DDX10: variants seen among roughly 807,000 people sequenced by gnomAD.
DDX10 encodes the protein probable ATP-dependent RNA helicase DDX10.
In DDX10, 74 loss-of-function variants were observed where a neutral mutation model predicts 104.3. The observed-to-expected ratio is 0.71, with a 90% confidence interval of 0.59 to 0.86. The LOEUF (loss-of-function observed/expected upper bound fraction) is 0.86. DDX10 is among the 40% of genes least tolerant of loss of function. The pLI is 0.00. For missense variants in DDX10, 952 were observed against 1,040.0 expected, an observed-to-expected ratio of 0.92 and a Z score of 1.16; for synonymous variants, 351 against 353.4, an observed-to-expected ratio of 0.99 and a Z score of 0.08.
chr11:108,940,192 A>T (rs1280288582), intron 17 of DDX10, 54 bp from the exon 18 acceptor site: 1 of 1,557,092 alleles, frequency 6.4e-7, no homozygotes, highest in Non-Finnish European at 8.7e-7. Context: ...TCCTATTTTA[A>T]ATGTTTGATT....
chr11:108,668,055 A>G (rs1366752350), intron 1 of DDX10, among the ~76,000 whole-genome samples: 1 of 152,212 alleles, frequency 6.6e-6, no homozygotes, highest in Non-Finnish European at 1.5e-5. Flanking sequence ...TTGCTGTAAG[A>G]CTAGACCTTT....
intron 13 of DDX10, among the ~76,000 whole-genome samples, chr11:108,747,190 C>G (rs1019943729): frequency 3.0e-4 from 45 of 152,094 alleles, no homozygotes; most frequent in Non-Finnish European, 6.3e-4. Context: ...ACAGTAAAAA[C>G]AGGGATCACT....
chr11:108,823,442 C>T (rs1231059679), intron 13 of DDX10, among the ~76,000 whole-genome samples: 4 of 152,248 alleles, frequency 2.6e-5, no homozygotes, highest in East Asian at 1.9e-4. Context: ...AGAAAAATGT[C>T]GGATGTAACA....
chr11:108,838,402 A>G, intron 13 of DDX10, 44 bp from the exon 14 acceptor site: 1 of 1,583,416 alleles, frequency 6.3e-7, no homozygotes, highest in Non-Finnish European at 8.6e-7. Flanking sequence ...ATATAAAGCA[A>G]CCATTTTCCT....
At chr11:108,668,281 G>A (rs2094212569) in intron 1 of DDX10, among the ~76,000 whole-genome samples, 1 of 152,216 alleles carries the variant, frequency 6.6e-6, no homozygotes, top group African/African-American at 2.4e-5. Context: ...TGAAAAAGGA[G>A]TTCTAAGCCA....
At chr11:108,754,047 A>G (rs965188785) in intron 13 of DDX10, among the ~76,000 whole-genome samples, 2 of 152,038 alleles carry the variant, frequency 1.3e-5, no homozygotes, top group Non-Finnish European at 2.9e-5. Context: ...ACATCACCTC[A>G]TTCATTAAAG....
chr11:108,728,617 C>T (rs910005036), intron 13 of DDX10, among the ~76,000 whole-genome samples: 5 of 150,348 alleles, frequency 3.3e-5, no homozygotes, highest in African/African-American at 9.9e-5. Flanking sequence ...CAGGCCCAAG[C>T]GATTCTTCTG....
chr11:108,706,603 A>G lies in DDX10; in HGVS notation c.1224-136A>G, dbSNP rs894392765. ...GTGTTCAGAGCCCTAGTTTTCTGTTATCAGAGATTAAAAGCCAGTCTCTGA... is the reference window on the plus strand; with the variant it reads ...GTGTTCAGAGCCCTAGTTTTCTGTTGTCAGAGATTAAAAGCCAGTCTCTGA... On this transcript the variant is annotated intron_variant, in intron 9 of 17. Transcript: ENST00000322536. 6 of 698,256 alleles carry G rather than the reference A, an allele frequency of 8.6e-6. No individual in the cohort carries two copies. The African/African-American group carries it at 8.9e-5, about 10-fold the overall frequency. 43.3% of individuals were successfully genotyped at this position (698,256 alleles called of 1,614,324 possible).
At chr11:108,801,037 C>T (rs960663130) in intron 13 of DDX10, among the ~76,000 whole-genome samples, 4 of 152,190 alleles carry the variant, frequency 2.6e-5, no homozygotes, top group South Asian at 2.1e-4. Flanking sequence ...TACTCAGATA[C>T]AATTGCCTCA....
chr11:108,770,263 T>A (rs114578236), intron 13 of DDX10, among the ~76,000 whole-genome samples: 229 of 152,352 alleles, frequency 1.5e-3, no homozygotes, highest in African/African-American at 5.3e-3. Flanking sequence ...ATCTAGCCCC[T>A]GAAGCATTTA....
intron 16 of DDX10, among the ~76,000 whole-genome samples, chr11:108,906,864 G>A (rs1469921757): frequency 6.6e-6 from 1 of 152,162 alleles, no homozygotes; most frequent in Non-Finnish European, 1.5e-5. Context: ...TTTGTGCAAA[G>A]CAGCCTTAGA....
At chr11:108,773,156 T>A (rs532150117) in intron 13 of DDX10, among the ~76,000 whole-genome samples, 18 of 152,334 alleles carry the variant, frequency 1.2e-4, no homozygotes, top group Admixed American at 6.5e-4. Flanking sequence ...ACATATGATA[T>A]TTGTTGAATT....
intron 17 of DDX10, among the ~76,000 whole-genome samples, chr11:108,937,865 C>T (rs992782263): frequency 1.3e-5 from 2 of 152,168 alleles, no homozygotes; most frequent in Non-Finnish European, 2.9e-5. Context: ...TTATCCATTA[C>T]GTTGCACTGT....
chr11:108,850,681 C>T (rs780195431), intron 15 of DDX10, among the ~76,000 whole-genome samples: 3 of 152,090 alleles, frequency 2.0e-5, no homozygotes, highest in African/African-American at 4.8e-5. Flanking sequence ...GAATTGGCAA[C>T]ATTTGTCTAA....
intron 13 of DDX10, among the ~76,000 whole-genome samples, chr11:108,824,927 T>C (rs1862375805): frequency 6.6e-6 from 1 of 152,182 alleles, no homozygotes; most frequent in Admixed American, 6.5e-5. Flanking sequence ...GGATTTTCCC[T>C]TAACTATTGT....
At chr11:108,898,064 A>C (rs1863464220) in intron 16 of DDX10, among the ~76,000 whole-genome samples, 1 of 152,132 alleles carries the variant, frequency 6.6e-6, no homozygotes, top group Non-Finnish European at 1.5e-5. Context: ...AGAAAGAAAA[A>C]AACTCTTGTT....
intron 17 of DDX10, among the ~76,000 whole-genome samples, chr11:108,930,691 A>G (rs1158577757): frequency 4.6e-5 from 7 of 152,234 alleles, no homozygotes; most frequent in Admixed American, 6.5e-5. Flanking sequence ...TAACCATTTC[A>G]TAATAATTTC....
chr11:108,674,769 CT>C (rs1048466617), intron 2 of DDX10, among the ~76,000 whole-genome samples: 19 of 152,300 alleles, frequency 1.2e-4, no homozygotes, highest in African/African-American at 4.3e-4. Context: ...CTGCCTTGGC[CT>C]CCCAAAGTGC....
chr11:108,865,734 G>A (rs1057150087), intron 16 of DDX10, among the ~76,000 whole-genome samples: 1 of 152,038 alleles, frequency 6.6e-6, no homozygotes, highest in Non-Finnish European at 1.5e-5. Context: ...ATCCTAGAAG[G>A]ATTCATTTGT....
Sources: gnomAD v4.1 joint callset for allele counts (sites outside exome capture counted in the v4.1 genomes callset) on GRCh38, gnomAD v4.1.1 for gene constraint, MANE v1.5 for transcripts, NCBI Gene and HGNC (gene_info 2026-07-23, HGNC 2026-07-21) for gene names.